Variants in RGS22 observed in about 807,000 individuals in gnomAD.
RGS22 encodes the protein regulator of G-protein signaling 22.
Under a neutral mutation model 172.9 loss-of-function variants are expected in RGS22, and 148 were observed. The ratio of observed to expected loss-of-function variants is 0.86; its 90% confidence interval spans 0.75 to 0.98. RGS22 has a LOEUF of 0.98. Ranked by LOEUF, RGS22 falls within the 50% of genes least tolerant of loss-of-function variation. RGS22 has a pLI of 0.00. For synonymous variants in RGS22, 458 were observed against 480.2 expected (o/e 0.95, Z 0.60); for missense variants, 1,347 against 1,440.8 (o/e 0.93, Z 1.05).
intron 14 of RGS22, among the ~76,000 whole-genome samples, chr8:100,017,940 CAG>C (rs1817183358): frequency 6.6e-6 from 1 of 152,114 alleles, no homozygotes; most frequent in East Asian, 1.9e-4. Context: ...CACATTCAAG[CAG>C]AGATTCACTC....
chr8:100,008,624 G>A, intron 14 of RGS22, 55 bp from the exon 15 acceptor site: 1 of 1,360,808 alleles, frequency 7.3e-7, no homozygotes, highest in Non-Finnish European at 1.0e-6. Flanking sequence ...ACAATGGTTA[G>A]CAGACACCTC....
At chr8:100,092,985 A>G (rs1447889807) in intron 3 of RGS22, among the ~76,000 whole-genome samples, 2 of 152,146 alleles carry the variant, frequency 1.3e-5, no homozygotes, top group South Asian at 4.1e-4. Context: ...CTTTTTTGAT[A>G]TTTTGTCCTT....
Position 100,071,303 on chromosome 8 carries a change from A to G in RGS22, c.594+66T>C. On this transcript the variant is annotated intron_variant, in intron 6 of 27. Transcript: ENST00000360863. ...TCCTGTCTCAAAAAATATATGTATA[A>G]AATAAAAAATAAAATCAGAAGTGTT... 4 of 1,368,926 alleles carry G rather than the reference A, an allele frequency of 2.9e-6. No homozygotes were observed. The South Asian group carries it at 6.0e-5, about 20-fold the overall frequency. The allele number at this position is 1,368,926 out of a possible 1,614,324, so 84.8% of individuals were successfully genotyped here.
At chr8:100,080,045 C>T in intron 4 of RGS22, 89 bp downstream of exon 4, 2 of 892,318 alleles carry the variant, frequency 2.2e-6, no homozygotes, top group African/African-American at 1.7e-5. Context: ...AATGTAGCTA[C>T]ACTTCAAAAA....
At chr8:99,969,503 T>C (rs966406907) in intron 23 of RGS22, among the ~76,000 whole-genome samples, 3 of 151,536 alleles carry the variant, frequency 2.0e-5, no homozygotes, top group African/African-American at 7.3e-5. Context: ...CCATCTCATA[T>C]GCATAGGCTC....
rs1401920866 is a variant in RGS22 at position 100,084,816 on chromosome 8, T to A, written c.118-4461A>T. Among the ~76,000 whole-genome samples the A allele has an allele frequency of 3.3e-5, 5 of 152,240 alleles. No individual in the cohort carries two copies. In the East Asian group the frequency reaches 9.6e-4, roughly 29 times the overall value. On this transcript the variant is annotated intron_variant, in intron 3 of 27. Coordinates refer to ENST00000360863, the MANE Select transcript of RGS22 (RefSeq NM_015668.5). ...AGAGGATACAAAGATGAATAAAACA[T>A]TATTTCTGCCCTTGAAGGAACAAGT...
intron 23 of RGS22, among the ~76,000 whole-genome samples, chr8:99,972,400 T>C (rs1811458230): frequency 6.6e-6 from 1 of 151,806 alleles, no homozygotes; most frequent in Admixed American, 6.6e-5. Flanking sequence ...AAACGACAAA[T>C]GGGGTCTAAT....
chr8:100,068,292 G>C (rs1810685474), intron 6 of RGS22, among the ~76,000 whole-genome samples: 1 of 152,086 alleles, frequency 6.6e-6, no homozygotes, highest in Non-Finnish European at 1.5e-5. Flanking sequence ...GCTGAGGCGG[G>C]AGAATCGCTT....
chr8:100,006,014 T>G lies in RGS22; in HGVS notation c.2454+3A>C, dbSNP rs757162719. The G allele has an allele frequency of 6.2e-7, 1 of 1,612,002 alleles. No individual in the cohort carries two copies. Among genetic ancestry groups the G allele is most frequent in the Non-Finnish European group, 8.5e-7 (1 of 1,178,914 alleles). On this transcript the variant is annotated splice_donor_region_variant and intron_variant, in intron 16 of 27. Coordinates refer to ENST00000360863, the MANE Select transcript of RGS22 (RefSeq NM_015668.5). ...TGTTTTTCTAAGTAGAAAGTTGCCTTACCTCAGCTTTCTTGGAAAATGTCT... is the reference window on the plus strand; with the variant it reads ...TGTTTTTCTAAGTAGAAAGTTGCCTGACCTCAGCTTTCTTGGAAAATGTCT...
chr8:100,059,490 T>C (rs902593948), intron 9 of RGS22, among the ~76,000 whole-genome samples: 1 of 148,938 alleles, frequency 6.7e-6, no homozygotes, highest in Admixed American at 6.7e-5. Context: ...GGAGTAGCTA[T>C]ACTTCTATCA....
chr8:99,992,572 C>T (rs1257874577), intron 20 of RGS22, among the ~76,000 whole-genome samples: 4 of 152,242 alleles, frequency 2.6e-5, no homozygotes, highest in South Asian at 2.1e-4. Flanking sequence ...GCTAACTATC[C>T]TAAATATATA....
chr8:100,046,842 G>A (rs3133705), intron 11 of RGS22, among the ~76,000 whole-genome samples: 1,810 of 151,086 alleles, frequency 0.012, 54 homozygotes, highest in East Asian at 0.11. Flanking sequence ...TTTAGATGGC[G>A]CCTCACTCTG....
chr8:99,990,569 G>T (rs997697239), intron 20 of RGS22, among the ~76,000 whole-genome samples: 1 of 152,188 alleles, frequency 6.6e-6, no homozygotes, highest in Admixed American at 6.5e-5. Context: ...CAATGCATAT[G>T]GTTCTTGGGC....
At chr8:100,078,343 A>G (rs1811509759) in intron 4 of RGS22, among the ~76,000 whole-genome samples, 1 of 151,584 alleles carries the variant, frequency 6.6e-6, no homozygotes. Flanking sequence ...GGCTCAAGTG[A>G]TCCTCCTGCC....
chr8:99,962,989 C>T lies in RGS22; in HGVS notation c.3616-11G>A. 6.5e-7 allele frequency: 1 copy of T among 1,549,136 alleles called. No individual in the cohort carries two copies. The highest frequency in any genetic ancestry group is 8.6e-7 in the Non-Finnish European group (1 of 1,157,506). On this transcript the variant is annotated splice_polypyrimidine_tract_variant and intron_variant, in intron 24 of 27. Transcript: ENST00000360863. The stretch of plus-strand genomic sequence containing the variant: ...GTAGCACCAGGTTGGCTAAAAAAAG[C>T]AATTTTCAAAGTTAATTCTGAAATG...
At chr8:100,037,044 C>T (rs1819575657) in intron 14 of RGS22, among the ~76,000 whole-genome samples, 1 of 152,184 alleles carries the variant, frequency 6.6e-6, no homozygotes, top group Non-Finnish European at 1.5e-5. Context: ...AAATGAATCT[C>T]TAGGATTATA....
chr8:100,097,369 T>C (rs969097597), intron 2 of RGS22, among the ~76,000 whole-genome samples: 1 of 152,258 alleles, frequency 6.6e-6, no homozygotes, highest in African/African-American at 2.4e-5. Context: ...TAGTTCATGA[T>C]ACTTATGAAG....
At chr8:99,989,328 T>C (rs990965566) in intron 20 of RGS22, among the ~76,000 whole-genome samples, 6 of 152,184 alleles carry the variant, frequency 3.9e-5, no homozygotes, top group African/African-American at 1.2e-4. Context: ...CAAAGTAAAA[T>C]AGGCCATTTC....
In RGS22 at chr8:100,012,101, A is replaced by T. The variant is rs189770139; in HGVS notation, c.2167-3532T>A. Among the ~76,000 whole-genome samples the T allele has an allele frequency of 6.7e-3, 1,007 of 151,136 alleles. 13 individuals carry two copies. The highest frequency in any genetic ancestry group is 0.023 in the African/African-American group (960 of 41,266). On this transcript the variant is annotated intron_variant, in intron 14 of 27. Coordinates refer to ENST00000360863, the MANE Select transcript of RGS22 (RefSeq NM_015668.5). ...ATAAATGGTGTTAATAATATATATT[A>T]TATATATATATGTAAAGACATTAAA... is the stretch of plus-strand genomic sequence containing the variant.
Sources: gnomAD v4.1 joint callset for allele counts (sites outside exome capture counted in the v4.1 genomes callset) on GRCh38, gnomAD v4.1.1 for gene constraint, MANE v1.5 for transcripts, NCBI Gene and HGNC (gene_info 2026-07-23, HGNC 2026-07-21) for gene names.